The following PRDM1 variants were observed in gnomAD, a reference collection of about 807,000 sequenced individuals.
PRDM1 encodes PR/SET domain 1, also known as PR domain zinc finger protein 1.
Under a neutral mutation model 62.8 loss-of-function variants are expected in PRDM1, and 13 were observed. The ratio of observed to expected loss-of-function variants is 0.21; its 90% CI spans 0.13 to 0.33. The LOEUF (loss-of-function observed/expected upper bound fraction) is 0.33. Among genes scored for constraint, PRDM1 ranks in the 10% least tolerant of loss-of-function variants. PRDM1 has a pLI of 1.00. For missense variants in PRDM1, 895 were observed against 1,058.8 expected, an observed-to-expected ratio of 0.85 and a Z score of 2.15; for synonymous variants, 396 against 417.6, an observed-to-expected ratio of 0.95 and a Z score of 0.63.
chr6:106,027,845 C>T (rs1405681828), intron 1 of PRDM1, among the ~76,000 whole-genome samples: 1 of 152,158 alleles, frequency 6.6e-6, no homozygotes, highest in Non-Finnish European at 1.5e-5. Flanking sequence ...GCTTTGCTGA[C>T]TGTTCACCAG....
intron 1 of PRDM1, among the ~76,000 whole-genome samples, chr6:106,061,782 T>C (rs1773349161): frequency 6.6e-6 from 1 of 152,244 alleles, no homozygotes; most frequent in South Asian, 2.1e-4. Flanking sequence ...TTGGGAGATT[T>C]TGATGATATC....
At chr6:106,092,812 G>A (rs1237658518) in intron 2 of PRDM1, among the ~76,000 whole-genome samples, 1 of 152,208 alleles carries the variant, frequency 6.6e-6, no homozygotes, top group Non-Finnish European at 1.5e-5. Context: ...CATTTGAGAT[G>A]AAGATGTTTA....
At chr6:106,072,643 C>T (rs1307209636) in intron 1 of PRDM1, among the ~76,000 whole-genome samples, 3 of 152,332 alleles carry the variant, frequency 2.0e-5, no homozygotes, top group South Asian at 2.1e-4. Context: ...GGGCTCTGCC[C>T]GGATGTGTGT....
chr6:106,083,615 A>G (rs1773734844), upstream of PRDM1, among the ~76,000 whole-genome samples: 1 of 152,180 alleles, frequency 6.6e-6, no homozygotes, highest in Non-Finnish European at 1.5e-5. Context: ...GATGCCATCC[A>G]CGGGAATAGA....
At chr6:106,103,251 T>C (rs893029245) in intron 4 of PRDM1, among the ~76,000 whole-genome samples, 1 of 152,138 alleles carries the variant, frequency 6.6e-6, no homozygotes, top group Non-Finnish European at 1.5e-5. Flanking sequence ...GGCTCTCAAA[T>C]TGGAATCGAA....
At chr6:106,032,321 G>A (rs375718134) in intron 1 of PRDM1, among the ~76,000 whole-genome samples, 1 of 129,904 alleles carries the variant, frequency 7.7e-6, no homozygotes, top group African/African-American at 2.9e-5. Flanking sequence ...ACCACACCCA[G>A]CTAATTTTTT....
At chr6:105,999,574 A>G (rs1259098988) in intron 1 of PRDM1, among the ~76,000 whole-genome samples, 1 of 152,086 alleles carries the variant, frequency 6.6e-6, no homozygotes, top group East Asian at 1.9e-4. Context: ...CTCAGACTCA[A>G]GTGTCATCGT....
In PRDM1 at chr6:106,095,612, T is replaced by G. The variant is rs989397336; in HGVS notation, c.292-3T>G. ...ATTGTTTCCTGTGTTTTTTCCTGTT[T>G]AGGTTATTGGAGTGATGAGTAAAGA... On this transcript the variant is annotated splice_region_variant and splice_polypyrimidine_tract_variant and intron_variant, in intron 2 of 6. Transcript: ENST00000369096. 4 of 1,612,342 alleles carry G rather than the reference T, an allele frequency of 2.5e-6. No individual in the cohort carries two copies. The African/African-American group carries it at 4.0e-5, about 16-fold the overall frequency.
chr6:106,029,093 G>T (rs542459263), intron 1 of PRDM1, among the ~76,000 whole-genome samples: 1 of 151,896 alleles, frequency 6.6e-6, no homozygotes, highest in East Asian at 1.9e-4. Context: ...GCTAATTTTT[G>T]TATATTTAGT....
intron 1 of PRDM1, among the ~76,000 whole-genome samples, chr6:106,080,159 A>G (rs1481124724): frequency 1.3e-5 from 2 of 152,204 alleles, no homozygotes; most frequent in African/African-American, 4.8e-5. Context: ...TGGCAGCGTA[A>G]TTAGTGAGAT....
chr6:106,105,539 T>C lies in PRDM1; in HGVS notation c.1379T>C (p.Met460Thr), dbSNP rs2114655806. The C allele has an allele frequency of 6.2e-7, 1 of 1,613,056 alleles. No individual in the cohort carries two copies. The highest frequency in any genetic ancestry group is 1.3e-5 in the African/African-American group (1 of 75,036). The change falls in exon 5 of 7, where the codon ATG (methionine) becomes ACG (threonine). Residue 460 changes from methionine to threonine, a missense_variant. Met to Thr is a moderately conservative substitution (Grantham distance 81). Transcript: ENST00000369096. ...LLGGGSLPHP[M>T]LNPTSLPSSL... Reference sequence around the variant, plus strand: ...GGTGGGGGCAGCCTGCCCCACCCCATGCTCAACCCCACTTCTCTCCCGAGC... The same window carrying C: ...GGTGGGGGCAGCCTGCCCCACCCCACGCTCAACCCCACTTCTCTCCCGAGC...
At position 106,105,680 on chromosome 6, in the gene PRDM1, A is replaced by C. The variant is rs577704889; in HGVS notation, c.1520A>C (p.Asp507Ala). ...SFTGAAASMK[D>A]KACSPTSGSP... ...ACCGGGGCCGCCGCCAGCATGAAGG[A>C]CAAGGCCTGTAGCCCCACAAGCGGG... is the stretch of plus-strand genomic sequence containing the variant. The change falls in exon 5 of 7, where the codon GAC becomes GCC. Residue 507 changes from aspartate to alanine, a missense_variant. Coordinates refer to ENST00000369096, the MANE Select transcript of PRDM1 (RefSeq NM_001198.4). The C allele has an allele frequency of 1.2e-6, 2 of 1,613,456 alleles. No homozygotes were observed. Among genetic ancestry groups the C allele is most frequent in the Admixed American group, 1.7e-5 (1 of 60,006 alleles).
At chr6:106,078,937 T>A (rs182047935) in intron 1 of PRDM1, among the ~76,000 whole-genome samples, 26 of 151,742 alleles carry the variant, frequency 1.7e-4, no homozygotes, top group Admixed American at 5.2e-4. Flanking sequence ...AGTTTTATTT[T>A]AAAAAAATTA....
chr6:106,018,297 T>A (rs1263632463), intron 1 of PRDM1, among the ~76,000 whole-genome samples: 1 of 151,680 alleles, frequency 6.6e-6, no homozygotes, highest in Non-Finnish European at 1.5e-5. Context: ...TAGACCATAA[T>A]TTTTTAGAAC....
chr6:106,030,436 G>C (rs1468897445), intron 1 of PRDM1, among the ~76,000 whole-genome samples: 1 of 152,100 alleles, frequency 6.6e-6, no homozygotes, highest in Non-Finnish European at 1.5e-5. Context: ...GCCTCCCAAA[G>C]CACTGGGATT....
intron 1 of PRDM1, among the ~76,000 whole-genome samples, chr6:106,005,377 G>A (rs1161255956): frequency 6.6e-6 from 1 of 152,200 alleles, no homozygotes; most frequent in Non-Finnish European, 1.5e-5. Context: ...ACAGGCCTTG[G>A]CCTTCCTCTG....
chr6:106,081,121 C>T (rs1285930939), intron 1 of PRDM1, among the ~76,000 whole-genome samples: 1 of 152,244 alleles, frequency 6.6e-6, no homozygotes, highest in Non-Finnish European at 1.5e-5. Context: ...TTTGCCTTCT[C>T]TTTCCTCCCT....
At chr6:106,077,766 T>C (rs1342134313) in intron 1 of PRDM1, among the ~76,000 whole-genome samples, 4 of 152,260 alleles carry the variant, frequency 2.6e-5, no homozygotes, top group African/African-American at 9.6e-5. Context: ...AGAAACCTTT[T>C]CTTTGTCTGG....
chr6:106,088,260 G>C lies in PRDM1; in HGVS notation c.102G>C (p.Lys34Asn), dbSNP rs1057272820. Residue 34 changes from lysine (K) to asparagine (N), a missense_variant, in exon 2 of 7, where the codon AAG (lysine) becomes AAC (asparagine). Transcript: ENST00000369096. ...TTCAGGGATTGGCAGAGGGGACCAA[G>C]GGGACCATGAAAATGGACATGGAGG... ...VRFQGLAEGT[K>N]GTMKMDMEDA... The C allele has an allele frequency of 6.2e-7, 1 of 1,614,102 alleles. No individual in the cohort carries two copies.
Sources: allele counts gnomAD v4.1 joint callset (sites outside exome capture counted in the v4.1 genomes callset), GRCh38; gene constraint gnomAD v4.1.1; transcripts MANE v1.5; gene names NCBI Gene and HGNC (gene_info 2026-07-23, HGNC 2026-07-21).